Variants in TENM3 observed in about 807,000 individuals in gnomAD.
The protein encoded by TENM3 is teneurin-3.
A neutral mutation model predicts 255.1 loss-of-function variants in TENM3; 63 were observed. The observed-to-expected ratio is 0.25, with a 90% CI of 0.20 to 0.30. The LOEUF (loss-of-function observed/expected upper bound fraction) is 0.30, where lower values mean the gene tolerates loss of function less well. Ranked by LOEUF, TENM3 falls within the 10% of genes least tolerant of loss-of-function variation. The pLI, the probability that TENM3 is intolerant of heterozygous loss-of-function variation, is 1.00. For synonymous variants in TENM3, 1,306 were observed against 1,322.3 expected (o/e 0.99, Z 0.27); for missense variants, 2,929 against 3,461.1 (o/e 0.85, Z 3.86).
chr4:182,091,219 C>G, the TENM3 span, among the ~76,000 whole-genome samples: 4 of 152,078 alleles, frequency 2.6e-5, no homozygotes, highest in Admixed American at 6.5e-5. Context: ...GCACAGCAGG[C>G]CAATTTGAGA....
chr4:182,106,535 C>A, the TENM3 span, among the ~76,000 whole-genome samples: 10 of 152,254 alleles, frequency 6.6e-5, no homozygotes, highest in South Asian at 1.9e-3. Context: ...TTTGGAAAAA[C>A]CACCTTGGCC....
At chr4:182,225,723 A>T (rs561236591) in intron 1 of TENM3, among the ~76,000 whole-genome samples, 3 of 152,338 alleles carry the variant, frequency 2.0e-5, no homozygotes, top group South Asian at 2.1e-4. Context: ...ATCAAGGAAG[A>T]GTTGCTTGGA....
the TENM3 span, among the ~76,000 whole-genome samples, chr4:181,818,208 A>G: frequency 6.6e-6 from 1 of 152,140 alleles, no homozygotes; most frequent in Non-Finnish European, 1.5e-5. Context: ...TATTCACTCA[A>G]ATTCTATTCT....
intron 23 of TENM3, 69 bp from the exon 24 acceptor site, chr4:182,774,849 T>C (rs371435448): frequency 8.7e-7 from 1 of 1,146,460 alleles, no homozygotes; most frequent in African/African-American, 1.5e-5. Flanking sequence ...AGAACCTATC[T>C]CACGGCACAA....
chr4:182,614,405 A>G (rs772266970), intron 4 of TENM3, among the ~76,000 whole-genome samples: 1 of 152,110 alleles, frequency 6.6e-6, no homozygotes, highest in Admixed American at 6.5e-5. Context: ...CTTTCCTAGA[A>G]TCATCCTTTT....
chr4:182,745,942 T>C (rs1003605291), intron 19 of TENM3, among the ~76,000 whole-genome samples: 4 of 152,178 alleles, frequency 2.6e-5, no homozygotes, highest in Non-Finnish European at 5.9e-5. Flanking sequence ...CCATAATCCT[T>C]CTCCTCTGTC....
At chr4:182,498,870 T>G (rs1736057960) in intron 3 of TENM3, among the ~76,000 whole-genome samples, 1 of 151,710 alleles carries the variant, frequency 6.6e-6, no homozygotes, top group Non-Finnish European at 1.5e-5. Context: ...AAAAAAAAAT[T>G]CTCAGCGTCT....
At chr4:181,719,526 T>A in the TENM3 span, among the ~76,000 whole-genome samples, 32 of 152,324 alleles carry the variant, frequency 2.1e-4, no homozygotes, top group African/African-American at 7.2e-4. Flanking sequence ...TCACTCACTG[T>A]GTCCTCACAC....
At chr4:181,872,755 C>T in the TENM3 span, among the ~76,000 whole-genome samples, 2 of 152,084 alleles carry the variant, frequency 1.3e-5, no homozygotes, top group Admixed American at 6.6e-5. Flanking sequence ...TGAGAACGGA[C>T]AGAGGTATTG....
At chr4:182,251,222 C>A (rs1325738209) in intron 1 of TENM3, among the ~76,000 whole-genome samples, 2 of 152,210 alleles carry the variant, frequency 1.3e-5, no homozygotes, top group Non-Finnish European at 2.9e-5. Context: ...GTAATTCCAG[C>A]ACTTTGGGAG....
the TENM3 span, among the ~76,000 whole-genome samples, chr4:181,900,149 T>C: frequency 1.3e-5 from 2 of 152,174 alleles, no homozygotes; most frequent in South Asian, 4.1e-4. Flanking sequence ...TCTTAAATCT[T>C]CATTGATTTA....
the TENM3 span, among the ~76,000 whole-genome samples, chr4:182,066,599 A>AATAT: frequency 3.1e-3 from 426 of 137,100 alleles, 1 homozygote; most frequent in African/African-American, 0.012. Flanking sequence ...GTAAAAAAAA[A>AATAT]ATATATATAT....
chr4:181,620,888 A>G, the TENM3 span, among the ~76,000 whole-genome samples: 1 of 152,100 alleles, frequency 6.6e-6, no homozygotes, highest in East Asian at 1.9e-4. Flanking sequence ...TAATGTTACC[A>G]CTTATGGAAA....
intron 13 of TENM3, among the ~76,000 whole-genome samples, chr4:182,721,476 A>G (rs544987180): frequency 2.8e-4 from 42 of 152,222 alleles, no homozygotes. Flanking sequence ...TACACTGACG[A>G]TAATTTAATT....
the TENM3 span, among the ~76,000 whole-genome samples, chr4:181,909,619 T>A: frequency 6.8e-6 from 1 of 147,316 alleles, no homozygotes; most frequent in Non-Finnish European, 1.5e-5. Context: ...ACTGTATTTG[T>A]TCATGTATCA....
chr4:182,407,764 A>G (rs887948334), intron 3 of TENM3, among the ~76,000 whole-genome samples: 4 of 152,212 alleles, frequency 2.6e-5, no homozygotes, highest in African/African-American at 4.8e-5. Context: ...AGACATCCCA[A>G]TGAATCATTA....
At chr4:181,966,001 A>C in the TENM3 span, among the ~76,000 whole-genome samples, 1 of 152,210 alleles carries the variant, frequency 6.6e-6, no homozygotes, top group Non-Finnish European at 1.5e-5. Flanking sequence ...CCATTATTCC[A>C]TTAGGGATGA....
chr4:181,641,076 C>T, the TENM3 span, among the ~76,000 whole-genome samples: 6 of 152,206 alleles, frequency 3.9e-5, no homozygotes, highest in South Asian at 4.1e-4. Context: ...AATATTGAAG[C>T]GGGGCTTCCT....
At chr4:182,086,216 G>T in the TENM3 span, among the ~76,000 whole-genome samples, 1 of 152,048 alleles carries the variant, frequency 6.6e-6, no homozygotes, top group African/African-American at 2.4e-5. Flanking sequence ...CCTGACTCAG[G>T]CCTCCGGAAG....
Sources: gnomAD v4.1 joint callset for allele counts (sites outside exome capture counted in the v4.1 genomes callset) on GRCh38, gnomAD v4.1.1 for gene constraint, MANE v1.5 for transcripts, NCBI Gene and HGNC (gene_info 2026-07-23, HGNC 2026-07-21) for gene names.